KCNK7: variants seen among roughly 807,000 people sequenced by gnomAD.
KCNK7 encodes potassium two pore domain channel subfamily K member 7.
A neutral mutation model predicts 18.1 loss-of-function variants in KCNK7; 14 were observed. The observed-to-expected ratio is 0.77, with a 90% CI of 0.51 to 1.21. The LOEUF (loss-of-function observed/expected upper bound fraction) is 1.21. Among genes scored for constraint, KCNK7 ranks in the 50% most tolerant of loss-of-function variants. The pLI is 0.00. For synonymous variants in KCNK7, 188 were observed against 184.7 expected (o/e 1.02, Z -0.15); for missense variants, 385 against 387.3 (o/e 0.99, Z 0.05).
chr11:65,594,483 T>A (rs1854311590), intron 1 of KCNK7, among the ~76,000 whole-genome samples: 1 of 152,158 alleles, frequency 6.6e-6, no homozygotes, highest in African/African-American at 2.4e-5. Flanking sequence ...GTGAGCTGTA[T>A]CCAAAGGGCA....
Position 65,595,447 on chromosome 11 carries a change from C to T in KCNK7, c.319+7G>A. The T allele has an allele frequency of 7.0e-7, 1 of 1,427,430 alleles. No homozygotes were observed. Among genetic ancestry groups the T allele is most frequent in the Admixed American group, 2.4e-5 (1 of 42,442 alleles). 88.4% of individuals were successfully genotyped at this position (1,427,430 alleles called of 1,614,324 possible). On this transcript the variant is annotated splice_region_variant and intron_variant, in intron 1 of 2. Transcript: ENST00000340313. ...CACCCCCCGACTTGGCTGCCTGGCT[C>T]TCTTACCTGTGGTGGTGAGGATGCT...
chr11:65,594,956 G>A (rs948801139), intron 1 of KCNK7, among the ~76,000 whole-genome samples: 3 of 152,112 alleles, frequency 2.0e-5, no homozygotes, highest in Non-Finnish European at 1.5e-5. Context: ...ACCCAGGGCT[G>A]TGGGTCTCAT....
intron 1 of KCNK7, 33 bp from the exon 2 acceptor site, chr11:65,593,907 C>T (rs947454544): frequency 6.7e-7 from 1 of 1,503,380 alleles, no homozygotes; most frequent in Non-Finnish European, 8.8e-7. Flanking sequence ...ACAGTGAGAG[C>T]TCTGAGTGCC....
In KCNK7 at chr11:65,593,653, T is replaced by C; in HGVS notation, c.541A>G (p.Ser181Gly). 2 of 1,604,644 alleles carry C rather than the reference T, an allele frequency of 1.2e-6. No individual in the cohort carries two copies. Among genetic ancestry groups the C allele is most frequent in the Non-Finnish European group, 8.5e-7 (1 of 1,178,960 alleles). Residue 181 changes from serine to glycine, a missense_variant, in exon 2 of 3, where the codon AGC (serine) becomes GGC (glycine). By Grantham distance (56) the Ser-to-Gly change is moderately conservative. Transcript: ENST00000340313. ...ACCAGCGCTGGCAGCAGCACAAAGC[T>C]GCTGGCCACCAGCAGTCCCAGTGCA... ...AVALGLLVAS[S>G]FVLLPALVLW...
Position 65,595,485 on chromosome 11 carries a change from C to T in KCNK7, c.288G>A (p.Leu96=), listed in dbSNP as rs1854332538. Residue 96 remains leucine (L), a synonymous_variant, in exon 1 of 3, where the codon CTG becomes CTA. Transcript: ENST00000340313. ...TGGTGAGGATGCTGGCAGCGAAGAG[C>T]AGGGCTGAGGGAAGGTCCCAGGTCC... ...EGRTWDLPSA[L]LFAASILTTT... 3 of 1,471,756 alleles carry T rather than the reference C, an allele frequency of 2.0e-6. No homozygotes were observed. Among genetic ancestry groups the T allele is most frequent in the South Asian group, 1.4e-5 (1 of 71,346 alleles). 91.2% of individuals were successfully genotyped at this position (1,471,756 alleles called of 1,614,324 possible). A position where few individuals can be genotyped will look rare whatever the true frequency, so the allele number is the denominator to read the frequency against.
intron 1 of KCNK7, among the ~76,000 whole-genome samples, chr11:65,595,170 T>C (rs1459141939): frequency 6.6e-6 from 1 of 152,200 alleles, no homozygotes; most frequent in African/African-American, 2.4e-5. Flanking sequence ...CACTGTATTG[T>C]ATCCCCTATC....
Position 65,595,765 on chromosome 11 carries a change from C to A in KCNK7, c.8G>T (p.Gly3Val). MG[G>V]LRPWSRYGLL... ...CCCGTATCGGGACCAGGGCCTTAGA[C>A]CCCCCATGGCAGGCCGCTGGGGTGC... Residue 3 changes from glycine to valine, a missense_variant, in exon 1 of 3, where the codon GGT becomes GTT. Transcript: ENST00000340313. 2.0e-6 allele frequency: 3 copies of A among 1,517,536 alleles called. No individual in the cohort carries two copies. In the South Asian group the frequency reaches 3.6e-5, roughly 18 times the overall value. The allele number at this position is 1,517,536 out of a possible 1,614,324, so 94.0% of individuals were successfully genotyped here. A position where few individuals can be genotyped will look rare whatever the true frequency, so the allele number is the denominator to read the frequency against.
intron 1 of KCNK7, among the ~76,000 whole-genome samples, 188 bp from the exon 2 acceptor site, chr11:65,594,062 T>A (rs969211071): frequency 6.6e-6 from 1 of 152,268 alleles, no homozygotes; most frequent in African/African-American, 2.4e-5. Context: ...GCCATTCTTT[T>A]CTTTTTTGGA....
rs1854286997 is a variant in KCNK7 at position 65,593,880 on chromosome 11, G to A, written c.320-6C>T. ...TGGGGCCATGTGGCCATAACCTGGA[G>A]AAGAGAGAGTCAGTGGACAGTGAGA... On this transcript the variant is annotated splice_polypyrimidine_tract_variant and splice_region_variant and intron_variant, in intron 1 of 2. Coordinates refer to ENST00000340313, the MANE Select transcript of KCNK7 (RefSeq NM_033347.2). The A allele has an allele frequency of 1.3e-6, 2 of 1,521,766 alleles. No individual in the cohort carries two copies. The highest frequency in any genetic ancestry group is 1.8e-6 in the Non-Finnish European group (2 of 1,136,390). The allele number at this position is 1,521,766 out of a possible 1,614,324, so 94.3% of individuals were successfully genotyped here.
Position 65,592,930 on chromosome 11 carries a change from C to A in KCNK7, c.*75G>T. 6.6e-7 allele frequency: 1 copy of A among 1,522,162 alleles called. No individual in the cohort carries two copies. Among genetic ancestry groups the A allele is most frequent in the South Asian group, 1.3e-5 (1 of 79,564 alleles). The allele number at this position is 1,522,162 out of a possible 1,614,324, so 94.3% of individuals were successfully genotyped here. A position where few individuals can be genotyped will look rare whatever the true frequency, so the allele number is the denominator to read the frequency against. ...CTCACCGCGGCTCCATCTCCAGATT[C>A]TTCCCCAGCCACTCCTGGCTGCTTC... On this transcript the variant is annotated 3_prime_UTR_variant, in exon 3 of 3. Coordinates refer to ENST00000340313, the MANE Select transcript of KCNK7 (RefSeq NM_033347.2).
chr11:65,593,402 C>A, intron 2 of KCNK7, 74 bp downstream of exon 2: 2 of 1,613,812 alleles, frequency 1.2e-6, no homozygotes, highest in Non-Finnish European at 1.7e-6. Flanking sequence ...CCCAGCCCCC[C>A]AGTGATTTAT....
At position 65,595,748 on chromosome 11, in the gene KCNK7, G is replaced by A. The variant is rs540550781; in HGVS notation, c.25C>T (p.Arg9Ter). MGGLRPWSRYGLLVVAHLL... is the reference protein window; with the variant it reads MGGLRPWS Reference sequence around the variant, plus strand: ...TGGGCCACAACCAGGAGCCCGTATCGGGACCAGGGCCTTAGACCCCCCATG... The same window carrying A: ...TGGGCCACAACCAGGAGCCCGTATCAGGACCAGGGCCTTAGACCCCCCATG... Residue 9 changes from arginine to a stop codon, truncating the protein, a stop_gained, in exon 1 of 3, where the codon CGA becomes TGA. Transcript: ENST00000340313. LOFTEE classifies it high-confidence loss of function. The A allele has an allele frequency of 2.4e-5, 37 of 1,563,382 alleles. 1 individual carries two copies. Among genetic ancestry groups the A allele is most frequent in the Middle Eastern group, 3.7e-4 (2 of 5,468 alleles).
At position 65,592,911 on chromosome 11, in the gene KCNK7, G is replaced by T. The variant is rs56205134; in HGVS notation, c.*94C>A. The T allele has an allele frequency of 9.8e-6, 14 of 1,435,070 alleles. No individual in the cohort carries two copies. Among genetic ancestry groups the T allele is most frequent in the Non-Finnish European group, 1.3e-5 (14 of 1,072,620 alleles). 88.9% of individuals were successfully genotyped at this position (1,435,070 alleles called of 1,614,324 possible). A position where few individuals can be genotyped will look rare whatever the true frequency, so the allele number is the denominator to read the frequency against. On this transcript the variant is annotated 3_prime_UTR_variant, in exon 3 of 3. Transcript: ENST00000340313. ...CTGAGGCCTCCCGCCCACCCTCACC[G>T]CGGCTCCATCTCCAGATTCTTCCCC...
intron 1 of KCNK7, among the ~76,000 whole-genome samples, chr11:65,594,980 T>C (rs776495430): frequency 5.3e-5 from 8 of 152,198 alleles, no homozygotes; most frequent in Non-Finnish European, 1.0e-4. Flanking sequence ...TGCTTTTCCC[T>C]GGGCCTGTGC....
chr11:65,592,965 TGCC>T lies in KCNK7; in HGVS notation c.*37_*39del, dbSNP rs750066529. On this transcript the variant is annotated 3_prime_UTR_variant, in exon 3 of 3. Transcript: ENST00000340313. ...CACTCCTGGCTGCTTCCTCCTCAGG[TGCC>T]GCCACCTTACGGAGCTGAACTCGGT... 2 of 1,592,240 alleles carry T rather than the reference TGCC, an allele frequency of 1.3e-6. No individual in the cohort carries two copies. Among genetic ancestry groups the T allele is most frequent in the Non-Finnish European group, 1.7e-6 (2 of 1,169,798 alleles).
intron 1 of KCNK7, 83 bp from the exon 2 acceptor site, chr11:65,593,957 C>T (rs752435863): frequency 1.9e-5 from 26 of 1,401,010 alleles, no homozygotes; most frequent in African/African-American, 1.6e-4. Flanking sequence ...TACTGCCTTC[C>T]GCAGAAGGCT....
intron 1 of KCNK7, among the ~76,000 whole-genome samples, chr11:65,594,778 G>A (rs539636986): frequency 6.6e-6 from 1 of 151,996 alleles, no homozygotes; most frequent in Non-Finnish European, 1.5e-5. Flanking sequence ...GCTGAGGCAG[G>A]AGAATTGCTA....
intron 1 of KCNK7, among the ~76,000 whole-genome samples, chr11:65,594,233 C>T (rs955145635): frequency 6.6e-6 from 1 of 152,184 alleles, no homozygotes; most frequent in Non-Finnish European, 1.5e-5. Context: ...AGGCTTTGTA[C>T]TGGGATCTGA....
rs372502328 is a variant in KCNK7, at chr11:65,592,862, T to C, written c.*143A>G. The C allele has an allele frequency of 1.3e-5, 12 of 951,984 alleles. No homozygotes were observed. Among genetic ancestry groups the C allele is most frequent in the Non-Finnish European group, 1.7e-5 (11 of 659,028 alleles). 59.0% of individuals were successfully genotyped at this position (951,984 alleles called of 1,614,324 possible). On this transcript the variant is annotated 3_prime_UTR_variant, in exon 3 of 3. Transcript: ENST00000340313. Reference sequence around the variant, plus strand: ...AGTTGAAAATAGCCGAAGTCGTTGCTCATTTTATGATTAACAGTATCCTCT... The same window carrying C: ...AGTTGAAAATAGCCGAAGTCGTTGCCCATTTTATGATTAACAGTATCCTCT...
Sources: gnomAD v4.1 joint callset for allele counts (sites outside exome capture counted in the v4.1 genomes callset) on GRCh38, gnomAD v4.1.1 for gene constraint, MANE v1.5 for transcripts, NCBI Gene and HGNC (gene_info 2026-07-23, HGNC 2026-07-21) for gene names.